PAX3: variants seen among roughly 807,000 people sequenced by gnomAD.
The protein encoded by PAX3 is paired box protein Pax-3.
PAX3 carries 14 observed loss-of-function variants against 51.6 expected under a neutral mutation model. The ratio of observed to expected loss-of-function variants is 0.27; its 90% CI spans 0.18 to 0.42. PAX3 has a LOEUF of 0.42. Among genes scored for constraint, PAX3 ranks in the 10% least tolerant of loss-of-function variants. PAX3 has a pLI of 1.00. For synonymous variants in PAX3, 280 were observed against 253.4 expected (o/e 1.11, Z -1.00); for missense variants, 540 against 642.8 (o/e 0.84, Z 1.73).
At chr2:222,221,741 A>C in intron 5 of PAX3, 4 of 311,358 alleles carry the variant, frequency 1.3e-5, no homozygotes, top group South Asian at 1.3e-4. Context: ...GGGAGGATAC[A>C]TGAGCCTCTG....
chr2:222,291,387 C>T (rs1029505579), intron 4 of PAX3, among the ~76,000 whole-genome samples: 1 of 152,300 alleles, frequency 6.6e-6, no homozygotes, highest in East Asian at 1.9e-4. Flanking sequence ...TCATGCTTAG[C>T]GCGCGCCCGT....
chr2:222,223,749 A>C (rs2106079405), intron 5 of PAX3, among the ~76,000 whole-genome samples: 1 of 152,318 alleles, frequency 6.6e-6, no homozygotes, highest in South Asian at 2.1e-4. Context: ...GACTTCCAAA[A>C]GTTTTGATGT....
At chr2:222,239,326 T>G (rs1574672583) in intron 4 of PAX3, among the ~76,000 whole-genome samples, 1 of 117,378 alleles carries the variant, frequency 8.5e-6, no homozygotes. Context: ...GAGGTTGGGG[T>G]GGGTTTTTTT....
intron 4 of PAX3, among the ~76,000 whole-genome samples, chr2:222,262,134 A>G (rs58742635): frequency 0.13 from 19,617 of 152,244 alleles, 1,474 homozygotes; most frequent in South Asian, 0.25. Context: ...GCTCAACATA[A>G]CATTTTTAAG....
At position 222,231,895 on chromosome 2, in the gene PAX3, G is replaced by T. The variant is rs76076975; in HGVS notation, c.792+183C>A. 1.5e-3 allele frequency among the ~76,000 whole-genome samples: 233 copies of T among 152,338 alleles called. 1 individual carries two copies. The highest frequency in any genetic ancestry group is 5.1e-3 in the African/African-American group (214 of 41,570). ...GTCACATGAAGTGGTGGACTTCTGT[G>T]TGTCGTAAATGATATAGTTGTATTC... is the stretch of plus-strand genomic sequence containing the variant. On this transcript the variant is annotated intron_variant, in intron 5 of 8. Transcript: ENST00000392070.
intron 4 of PAX3, among the ~76,000 whole-genome samples, chr2:222,280,210 A>G (rs1160943876): frequency 6.7e-6 from 1 of 150,312 alleles, no homozygotes; most frequent in African/African-American, 2.4e-5. Flanking sequence ...AAACTCTGTC[A>G]GGAAGAAAGA....
intron 5 of PAX3, among the ~76,000 whole-genome samples, chr2:222,225,493 A>G (rs187774891): frequency 1.3e-5 from 2 of 152,182 alleles, no homozygotes; most frequent in African/African-American, 4.8e-5. Context: ...TCTCAACATT[A>G]CAAGTTGGCG....
At chr2:222,226,863 G>A (rs997717556) in intron 5 of PAX3, among the ~76,000 whole-genome samples, 2 of 151,760 alleles carry the variant, frequency 1.3e-5, no homozygotes, top group African/African-American at 4.8e-5. Context: ...GGGCATGGGA[G>A]AAAGGTATTT....
intron 4 of PAX3, among the ~76,000 whole-genome samples, chr2:222,251,477 T>C (rs997085727): frequency 2.0e-5 from 3 of 152,232 alleles, no homozygotes; most frequent in Non-Finnish European, 4.4e-5. Flanking sequence ...CCATGGTGTA[T>C]ATGTGCCACA....
intron 4 of PAX3, among the ~76,000 whole-genome samples, chr2:222,232,752 C>T (rs1049936071): frequency 6.6e-6 from 1 of 152,124 alleles, no homozygotes. Context: ...CCAACATTTA[C>T]ATTATGAAAT....
At chr2:222,273,404 A>T (rs555446831) in intron 4 of PAX3, among the ~76,000 whole-genome samples, 2 of 152,344 alleles carry the variant, frequency 1.3e-5, no homozygotes, top group South Asian at 4.1e-4. Flanking sequence ...ACGAGGAAAC[A>T]TAAGTTCATT....
chr2:222,201,055 G>T lies in PAX3; in HGVS notation c.*353C>A. 3.1e-6 allele frequency: 3 copies of T among 972,604 alleles called. No individual in the cohort carries two copies. The highest frequency in any genetic ancestry group is 4.7e-6 in the Non-Finnish European group (3 of 635,544). 60.2% of individuals were successfully genotyped at this position (972,604 alleles called of 1,614,324 possible). On this transcript the variant is annotated 3_prime_UTR_variant, in exon 9 of 9. Coordinates refer to ENST00000392070, the MANE Select transcript of PAX3 (RefSeq NM_181458.4). ...TCAATACACACACACACACACACAC[G>T]CACGCACGCACACAAGCAAATGGAA...
chr2:222,278,653 C>T (rs1694518482), intron 4 of PAX3, among the ~76,000 whole-genome samples: 1 of 152,194 alleles, frequency 6.6e-6, no homozygotes, highest in Admixed American at 6.5e-5. Context: ...TCCTAGACAG[C>T]TCAATGGGGA....
chr2:222,297,943 TC>T (rs1695393967), intron 1 of PAX3, among the ~76,000 whole-genome samples: 1 of 152,122 alleles, frequency 6.6e-6, no homozygotes. Flanking sequence ...ACTTCCTGCC[TC>T]CCCGGGATTC....
At chr2:222,238,812 C>A (rs994825478) in intron 4 of PAX3, among the ~76,000 whole-genome samples, 1 of 152,130 alleles carries the variant, frequency 6.6e-6, no homozygotes, top group Non-Finnish European at 1.5e-5. Context: ...TTTTATACTG[C>A]GAGTCTGATC....
intron 4 of PAX3, among the ~76,000 whole-genome samples, chr2:222,256,391 C>A (rs993870772): frequency 2.0e-4 from 30 of 152,004 alleles, no homozygotes; most frequent in Non-Finnish European, 3.5e-4. Flanking sequence ...ATAATGCCAT[C>A]CCTCCCTCTC....
intron 4 of PAX3, among the ~76,000 whole-genome samples, chr2:222,273,276 T>C (rs758383936): frequency 3.9e-5 from 6 of 152,200 alleles, no homozygotes; most frequent in Non-Finnish European, 5.9e-5. Context: ...TGTGGCTTCA[T>C]TGTGACTCTT....
intron 4 of PAX3, among the ~76,000 whole-genome samples, chr2:222,250,973 T>C (rs2106125168): frequency 6.6e-6 from 1 of 152,278 alleles, no homozygotes; most frequent in East Asian, 1.9e-4. Flanking sequence ...AAAATGCACA[T>C]TTGCATTTAA....
At chr2:222,279,739 AG>A (rs1444471082) in intron 4 of PAX3, among the ~76,000 whole-genome samples, 8 of 152,232 alleles carry the variant, frequency 5.3e-5, no homozygotes, top group South Asian at 2.1e-4. Context: ...GATACATTTC[AG>A]GGGAAAAAAT....
Sources: gnomAD v4.1 joint callset for allele counts (sites outside exome capture counted in the v4.1 genomes callset) on GRCh38, gnomAD v4.1.1 for gene constraint, MANE v1.5 for transcripts, NCBI Gene and HGNC (gene_info 2026-07-23, HGNC 2026-07-21) for gene names.